B4GALT5: variants seen among roughly 807,000 people sequenced by gnomAD.
B4GALT5 encodes the protein beta-1,4-galactosyltransferase 5, also known as UDP-Gal:beta-GlcNAc beta-1,4-galactosyltransferase 5.
B4GALT5 carries 11 observed loss-of-function variants against 45.0 expected under a neutral mutation model. That is an observed-to-expected ratio of 0.24 (90% confidence interval 0.15 to 0.40). The LOEUF is 0.40. Among genes scored for constraint, B4GALT5 ranks in the 10% least tolerant of loss-of-function variants. B4GALT5 has a pLI of 1.00. For missense variants in B4GALT5, 337 were observed against 500.2 expected (o/e 0.67, Z 3.11); for synonymous variants, 185 against 182.9 (o/e 1.01, Z -0.09).
At chr20:49,700,462 AT>A (rs1247859915) in intron 1 of B4GALT5, among the ~76,000 whole-genome samples, 1 of 151,270 alleles carries the variant, frequency 6.6e-6, no homozygotes, top group Non-Finnish European at 1.5e-5. Context: ...CACCTGGCTA[AT>A]TTTTATTTGT....
rs186312133 is a variant in B4GALT5, at chr20:49,680,708, C to T, written c.116-24006G>A. The stretch of plus-strand genomic sequence containing the variant: ...GAATGAAGAAATCAAGTTCTGGAAA[C>T]GAATAGTAGTAATGGTTGCGTAATA... On this transcript the variant is annotated intron_variant, in intron 1 of 8. Transcript: ENST00000371711. Among the ~76,000 whole-genome samples the T allele has an allele frequency of 9.4e-4, 143 of 151,894 alleles. 1 individual carries two copies. In the East Asian group the frequency reaches 0.012, roughly 13 times the overall value.
chr20:49,668,443 G>A (rs2085701463), intron 1 of B4GALT5, among the ~76,000 whole-genome samples: 1 of 151,948 alleles, frequency 6.6e-6, no homozygotes, highest in African/African-American at 2.4e-5. Flanking sequence ...TTAATAGCAT[G>A]ACCAGTTATC....
intron 1 of B4GALT5, among the ~76,000 whole-genome samples, chr20:49,685,360 TC>T (rs1230915720): frequency 6.6e-6 from 1 of 152,066 alleles, no homozygotes; most frequent in African/African-American, 2.4e-5. Context: ...AAAATTACTT[TC>T]CCTCTACCAG....
rs543094732 is a variant in B4GALT5, at chr20:49,635,004, C to G, written c.*1308G>C. The G allele has an allele frequency of 6.6e-6, 1 of 152,286 alleles. No homozygotes were observed. The highest frequency in any genetic ancestry group is 2.4e-5 in the African/African-American group (1 of 41,456). The allele number at this position is 152,286 out of a possible 1,614,324, so 9.4% of individuals were successfully genotyped here. On this transcript the variant is annotated 3_prime_UTR_variant, in exon 9 of 9. Coordinates refer to ENST00000371711, the MANE Select transcript of B4GALT5 (RefSeq NM_004776.4). ...TCTTACCTGGATCCCAGCTGCCCCA[C>G]AGCACACAAGTGTCACCAGCTCCCT...
At position 49,633,551 on chromosome 20, in the gene B4GALT5, T is replaced by A. The variant is rs6095592; in HGVS notation, c.*2761A>T. 62 of 151,120 alleles carry A rather than the reference T, an allele frequency of 4.1e-4. No homozygotes were observed. The highest frequency in any genetic ancestry group is 1.5e-3 in the African/African-American group (61 of 41,026). The allele number at this position is 151,120 out of a possible 1,614,324, so 9.4% of individuals were successfully genotyped here. On this transcript the variant is annotated 3_prime_UTR_variant, in exon 9 of 9. Transcript: ENST00000371711. ...ATTCGAGGCCTGGTGGACACATGAC[T>A]GACAGTGCACATCCAGAGATTCTAC... is the stretch of plus-strand genomic sequence containing the variant.
rs1239953328 is a variant in B4GALT5 at position 49,633,595 on chromosome 20, T to G, written c.*2717A>C. The G allele has an allele frequency of 6.6e-6, 1 of 152,092 alleles. No individual in the cohort carries two copies. Among genetic ancestry groups the G allele is most frequent in the Non-Finnish European group, 1.5e-5 (1 of 68,016 alleles). The allele number at this position is 152,092 out of a possible 1,614,324, so 9.4% of individuals were successfully genotyped here. On this transcript the variant is annotated 3_prime_UTR_variant, in exon 9 of 9. Transcript: ENST00000371711. ...ATTCTACACTCATCAGACACAGACATGACCGCAAAGGTATCAAAGTGACCC... is the reference window on the plus strand; with the variant it reads ...ATTCTACACTCATCAGACACAGACAGGACCGCAAAGGTATCAAAGTGACCC...
At chr20:49,676,684 A>G (rs945889705) in intron 1 of B4GALT5, among the ~76,000 whole-genome samples, 24 of 152,222 alleles carry the variant, frequency 1.6e-4, no homozygotes, top group Admixed American at 1.1e-3. Flanking sequence ...ATGCGTACAA[A>G]CTCCCTAAAG....
chr20:49,681,954 G>C (rs924967357), intron 1 of B4GALT5, among the ~76,000 whole-genome samples: 1 of 152,174 alleles, frequency 6.6e-6, no homozygotes, highest in Non-Finnish European at 1.5e-5. Context: ...AAATTAGTCC[G>C]GCATGGTGGC....
intron 1 of B4GALT5, among the ~76,000 whole-genome samples, chr20:49,713,318 A>G (rs1226274685): frequency 3.1e-5 from 4 of 130,640 alleles, no homozygotes; most frequent in African/African-American, 1.2e-4. Flanking sequence ...GTGAAGGTAC[A>G]GTCGGGTTCG....
chr20:49,649,389 G>T (rs1666046741), intron 2 of B4GALT5, among the ~76,000 whole-genome samples: 1 of 152,224 alleles, frequency 6.6e-6, no homozygotes, highest in South Asian at 2.1e-4. Context: ...GACCAGCCCA[G>T]GAAACATGCT....
chr20:49,704,949 G>A (rs1470534630), intron 1 of B4GALT5, among the ~76,000 whole-genome samples: 1 of 151,902 alleles, frequency 6.6e-6, no homozygotes, highest in Non-Finnish European at 1.5e-5. Flanking sequence ...TGCAAAGGCA[G>A]AGGAACAATA....
intron 3 of B4GALT5, among the ~76,000 whole-genome samples, chr20:49,645,341 T>C (rs544920826): frequency 2.6e-5 from 4 of 152,220 alleles, no homozygotes; most frequent in Admixed American, 6.5e-5. Context: ...CACAATGGAG[T>C]TGAAAAATTC....
chr20:49,652,669 C>T (rs1471366743), intron 2 of B4GALT5, among the ~76,000 whole-genome samples: 1 of 152,100 alleles, frequency 6.6e-6, no homozygotes, highest in Admixed American at 6.5e-5. Context: ...CTCCTGGTCA[C>T]CACTTCAGGT....
At chr20:49,662,486 AAATAAT>A (rs938609497) in intron 1 of B4GALT5, among the ~76,000 whole-genome samples, 99 of 152,322 alleles carry the variant, frequency 6.5e-4, no homozygotes, top group African/African-American at 1.8e-3. Flanking sequence ...TGAATTTAAA[AAATAAT>A]AATAATAAGT....
intron 1 of B4GALT5, among the ~76,000 whole-genome samples, chr20:49,692,792 T>A (rs1173521467): frequency 6.6e-6 from 1 of 152,208 alleles, no homozygotes; most frequent in Non-Finnish European, 1.5e-5. Flanking sequence ...TAATGTAAGT[T>A]CAATTATGTT....
At chr20:49,704,611 T>C (rs1387563649) in intron 1 of B4GALT5, among the ~76,000 whole-genome samples, 1 of 149,156 alleles carries the variant, frequency 6.7e-6, no homozygotes, top group African/African-American at 2.5e-5. Context: ...CCCAGCTACT[T>C]GGGAGGCTGA....
At chr20:49,697,747 C>T (rs936660960) in intron 1 of B4GALT5, among the ~76,000 whole-genome samples, 1 of 152,146 alleles carries the variant, frequency 6.6e-6, no homozygotes, top group Non-Finnish European at 1.5e-5. Flanking sequence ...GAATCCCTTT[C>T]ACCTTTATAT....
intron 1 of B4GALT5, among the ~76,000 whole-genome samples, chr20:49,701,090 G>T (rs1347840328): frequency 6.6e-6 from 1 of 152,170 alleles, no homozygotes; most frequent in East Asian, 1.9e-4. Flanking sequence ...AAATAACAGT[G>T]ATACACTGTC....
chr20:49,683,361 T>TGGAGGAGGG (rs1244333046), intron 1 of B4GALT5, among the ~76,000 whole-genome samples: 2 of 151,478 alleles, frequency 1.3e-5, no homozygotes, highest in Admixed American at 6.6e-5. Context: ...GTATTAACTC[T>TGGAGGAGGG]GGAGGAGGGC....
Sources: gnomAD v4.1 joint callset for allele counts (sites outside exome capture counted in the v4.1 genomes callset) on GRCh38, gnomAD v4.1.1 for gene constraint, MANE v1.5 for transcripts, NCBI Gene and HGNC (gene_info 2026-07-23, HGNC 2026-07-21) for gene names.